DYRK1B: variants seen among roughly 807,000 people sequenced by gnomAD.
DYRK1B encodes dual specificity tyrosine phosphorylation regulated kinase 1B, also known as dual specificity tyrosine-phosphorylation-regulated kinase 1B.
Under a neutral mutation model 57.1 loss-of-function variants are expected in DYRK1B, and 20 were observed. The observed-to-expected ratio is 0.35, with a 90% CI of 0.25 to 0.51. The LOEUF (loss-of-function observed/expected upper bound fraction) is 0.51, where lower values mean the gene tolerates loss of function less well. Among genes scored for constraint, DYRK1B ranks in the 20% least tolerant of loss-of-function variants. The pLI is 0.96. For missense variants in DYRK1B, 732 were observed against 886.3 expected (o/e 0.83, Z 2.21); for synonymous variants, 409 against 384.7 (o/e 1.06, Z -0.74).
chr19:39,825,463 AC>A lies in DYRK1B; in HGVS notation c.*251del, dbSNP rs981146912. ...TGAGGGGGGGTCTTCCCTCCACCGG[AC>A]CACCACTGTCTTTGGTACAATAAAT... On this transcript the variant is annotated 3_prime_UTR_variant, in exon 11 of 11. Coordinates refer to ENST00000323039, the MANE Select transcript of DYRK1B (RefSeq NM_004714.3). 3.9e-6 allele frequency: 2 copies of A among 511,160 alleles called. No individual in the cohort carries two copies. Among genetic ancestry groups the A allele is most frequent in the African/African-American group, 4.0e-5 (2 of 50,424 alleles). The allele number at this position is 511,160 out of a possible 1,614,324, so 31.7% of individuals were successfully genotyped here. A position where few individuals can be genotyped will look rare whatever the true frequency, so the allele number is the denominator to read the frequency against.
Position 39,826,243 on chromosome 19 carries a change from G to A in DYRK1B, c.1455C>T (p.Tyr485=). ...GSSSDNRTYR[Y]SNRYCGGPGP... ...CAGGGCCCCCACAATATCGGTTGCT[G>A]TAGCGGTAGGTCCGGTTGTCACTGG... The change falls in exon 10 of 11, where the codon TAC becomes TAT. Residue 485 remains tyrosine (Y), a synonymous_variant. Transcript: ENST00000323039. This position sits in a 1 kb window ranked among gnomAD's most constrained non-coding sequence, Gnocchi z 6.3. 3 of 1,596,560 alleles carry A rather than the reference G, an allele frequency of 1.9e-6. No individual in the cohort carries two copies. Among genetic ancestry groups the A allele is most frequent in the South Asian group, 2.3e-5 (2 of 88,432 alleles).
At position 39,828,616 on chromosome 19, in the gene DYRK1B, G is replaced by A; in HGVS notation, c.521-33C>T. On this transcript the variant is annotated intron_variant, in intron 5 of 10. Coordinates refer to ENST00000323039, the MANE Select transcript of DYRK1B (RefSeq NM_004714.3). The surrounding 1 kb of genome is among the most constrained non-coding windows in gnomAD (Gnocchi z 4.3). ...GGAGGGGAGGAAATGGGCCAGAGAA[G>A]AAACGGCTCAGAGAGGGCAGGTGGT... The A allele has an allele frequency of 6.3e-7, 1 of 1,587,022 alleles. No homozygotes were observed. Among genetic ancestry groups the A allele is most frequent in the Non-Finnish European group, 8.6e-7 (1 of 1,162,130 alleles).
chr19:39,827,861 C>A (rs1029222468), intron 6 of DYRK1B, among the ~76,000 whole-genome samples: 1 of 152,082 alleles, frequency 6.6e-6, no homozygotes, highest in Non-Finnish European at 1.5e-5. Flanking sequence ...CTGGCCTAGA[C>A]AGACCCTGAT....
At position 39,826,778 on chromosome 19, in the gene DYRK1B, G is replaced by C. The variant is rs755904574; in HGVS notation, c.1305C>G (p.Ala435=). 1.3e-6 allele frequency: 2 copies of C among 1,563,798 alleles called. No individual in the cohort carries two copies. The highest frequency in any genetic ancestry group is 1.4e-5 in the African/African-American group (1 of 73,936). ...CCGGGCCCGTGTTGGTGGCCTCGTC[G>C]GCCGTGCGGCGGAAGAAGCCGTGCT... The part of the protein sequence containing the change: ...ALQHGFFRRT[A]DEATNTGPAG... Residue 435 remains alanine, a synonymous_variant, in exon 9 of 11, where the codon GCC becomes GCG. Transcript: ENST00000323039. This position sits in a 1 kb window ranked among gnomAD's most constrained non-coding sequence, Gnocchi z 6.3.
At chr19:39,832,364 C>T (rs996567269) in intron 1 of DYRK1B, among the ~76,000 whole-genome samples, 2 of 152,118 alleles carry the variant, frequency 1.3e-5, no homozygotes, top group African/African-American at 2.4e-5. Context: ...TCTCACTACT[C>T]GTGGCCCTCC....
At chr19:39,830,119 G>A (rs1968737120) in intron 4 of DYRK1B, 92 bp from the exon 5 acceptor site, 1 of 1,504,120 alleles carries the variant, frequency 6.6e-7, no homozygotes, top group Non-Finnish European at 9.0e-7. Context: ...GACCCACCAA[G>A]AACACTATGC....
In DYRK1B at chr19:39,827,670, A is replaced by G; in HGVS notation, c.808-14T>C. The G allele has an allele frequency of 6.2e-7, 1 of 1,610,252 alleles. No homozygotes were observed. Among genetic ancestry groups the G allele is most frequent in the Non-Finnish European group, 8.5e-7 (1 of 1,177,056 alleles). Reference sequence around the variant, plus strand: ...ATACTGGTAGATCTGGGAAAAGGGTAATCGTCAAGGGACCCAGCCTCCCCT... The same window carrying G: ...ATACTGGTAGATCTGGGAAAAGGGTGATCGTCAAGGGACCCAGCCTCCCCT... On this transcript the variant is annotated splice_polypyrimidine_tract_variant and intron_variant, in intron 6 of 10. Transcript: ENST00000323039.
In DYRK1B at chr19:39,830,650, C is replaced by CA; in HGVS notation, c.183+13dup. 1 of 1,613,242 alleles carries CA rather than the reference C, an allele frequency of 6.2e-7. No individual in the cohort carries two copies. The highest frequency in any genetic ancestry group is 1.1e-5 in the South Asian group (1 of 90,950). On this transcript the variant is annotated intron_variant, in intron 3 of 10. Transcript: ENST00000323039. ...CCTCGGCACCCAGCCCAGGATCCCCCAGCCCCTGCCCACCTCATTGATGTG... is the reference window on the plus strand; with the variant it reads ...CCTCGGCACCCAGCCCAGGATCCCCCAAGCCCCTGCCCACCTCATTGATGTG...
At chr19:39,830,164 C>T (rs1014410501) in intron 4 of DYRK1B, 137 bp from the exon 5 acceptor site, 10 of 1,218,314 alleles carry the variant, frequency 8.2e-6, no homozygotes, top group African/African-American at 3.0e-5. Context: ...ATTAGTCAGG[C>T]GCTGGTGTAA....
chr19:39,826,253 G>C lies in DYRK1B; in HGVS notation c.1445C>G (p.Thr482Ser). 1 of 1,594,850 alleles carries C rather than the reference G, an allele frequency of 6.3e-7. No individual in the cohort carries two copies. The highest frequency in any genetic ancestry group is 8.5e-7 in the Non-Finnish European group (1 of 1,173,044). ...ACAATATCGGTTGCTGTAGCGGTAG[G>C]TCCGGTTGTCACTGGAGGAGCCACT... ...GSSGSSSDNR[T>S]YRYSNRYCGG... Residue 482 changes from threonine to serine, a missense_variant, in exon 10 of 11, where the codon ACC (threonine) becomes AGC (serine). Physicochemically the swap from Thr to Ser is moderately conservative, Grantham distance 58. This residue lies in a region of DYRK1B where 510 missense variants were observed against 681.3 expected (regional missense o/e 0.75). Coordinates refer to ENST00000323039, the MANE Select transcript of DYRK1B (RefSeq NM_004714.3). The surrounding 1 kb of genome is among the most constrained non-coding windows in gnomAD (Gnocchi z 6.3).
chr19:39,829,717 T>C (rs1305270078), intron 5 of DYRK1B, 163 bp downstream of exon 5: 3 of 791,244 alleles, frequency 3.8e-6, no homozygotes, highest in African/African-American at 3.5e-5. Context: ...ACAAAAATCA[T>C]AAAAGCAGCA....
chr19:39,827,947 C>G (rs544843221), intron 6 of DYRK1B, among the ~76,000 whole-genome samples: 35 of 152,268 alleles, frequency 2.3e-4, no homozygotes, highest in Non-Finnish European at 1.3e-4. Flanking sequence ...CCTATACCAT[C>G]GTCACTTTTA....
rs1282319052 is a variant in DYRK1B at position 39,830,418 on chromosome 19, C to T, written c.329G>A (p.Arg110His). Residue 110 changes from arginine to histidine, a missense_variant, in exon 4 of 11, where the codon CGC becomes CAC. Transcript: ENST00000323039. ...IVRSGERWLE[R>H]YEIDSLIGKG... is the part of the protein sequence containing the mutation. ...GCCAATGAGCGAGTCAATTTCGTAG[C>T]GCTCCAGCCAGCGCTCGCCACTGCG... is the stretch of plus-strand genomic sequence containing the variant. 6.2e-7 allele frequency: 1 copy of T among 1,614,134 alleles called. No individual in the cohort carries two copies. Among genetic ancestry groups the T allele is most frequent in the South Asian group, 1.1e-5 (1 of 91,078 alleles).
chr19:39,828,285 G>A lies in DYRK1B; in HGVS notation c.807+12C>T. On this transcript the variant is annotated intron_variant, in intron 6 of 10. Transcript: ENST00000323039. This position sits in a 1 kb window ranked among gnomAD's most constrained non-coding sequence, Gnocchi z 4.3. ...CTACTAGCCGTGCTCCCAGGACCGG[G>A]CCGCCCCCTACCCTCTGGCCAAGCT... 1.2e-6 allele frequency: 2 copies of A among 1,613,018 alleles called. No homozygotes were observed. Among genetic ancestry groups the A allele is most frequent in the Non-Finnish European group, 1.7e-6 (2 of 1,179,598 alleles).
chr19:39,827,599 G>C lies in DYRK1B; in HGVS notation c.865C>G (p.Pro289Ala), dbSNP rs1172181404. Residue 289 changes from proline (P) to alanine (A), a missense_variant, in exon 7 of 11, where the codon CCC becomes GCC. Transcript: ENST00000323039. ...YRSPEVLLGT[P>A]YDLAIDMWSL... ...CACATGTCAATGGCCAGGTCGTAGG[G>C]TGTGCCCAGGAGCACCTCAGGTGAG... 9 of 1,614,006 alleles carry C rather than the reference G, an allele frequency of 5.6e-6. No individual in the cohort carries two copies. Among genetic ancestry groups the C allele is most frequent in the Non-Finnish European group, 7.6e-6 (9 of 1,179,986 alleles).
In DYRK1B at chr19:39,825,961, G is replaced by A; in HGVS notation, c.1644C>T (p.Tyr548=). ...TGAQLPPQPR[Y]LGRPPSPTSP... ...AGGTTGGTGATGGGGGACGACCAAG[G>A]TATCGGGGCTGGGGGGGTAACTGGG... The change falls in exon 11 of 11, where the codon TAC becomes TAT. Residue 548 remains tyrosine, a synonymous_variant. Coordinates refer to ENST00000323039, the MANE Select transcript of DYRK1B (RefSeq NM_004714.3). The A allele has an allele frequency of 1.3e-6, 2 of 1,528,476 alleles. No individual in the cohort carries two copies. The highest frequency in any genetic ancestry group is 1.3e-5 in the South Asian group (1 of 77,114). 94.7% of individuals were successfully genotyped at this position (1,528,476 alleles called of 1,614,324 possible). A position where few individuals can be genotyped will look rare whatever the true frequency, so the allele number is the denominator to read the frequency against.
intron 5 of DYRK1B, among the ~76,000 whole-genome samples, chr19:39,829,232 GT>G (rs948509779): frequency 6.7e-4 from 95 of 142,608 alleles, no homozygotes; most frequent in East Asian, 2.0e-3. Flanking sequence ...TTTGTTTTGG[GT>G]TTTTTTTTTT....
At position 39,826,593 on chromosome 19, in the gene DYRK1B, A is replaced by G; in HGVS notation, c.1411+79T>C. On this transcript the variant is annotated intron_variant, in intron 9 of 10. Coordinates refer to ENST00000323039, the MANE Select transcript of DYRK1B (RefSeq NM_004714.3). The surrounding 1 kb of genome is among the most constrained non-coding windows in gnomAD (Gnocchi z 6.3). ...GTTTCGGCGCTTTGTGTGAAGACCC[A>G]GTAACCAGGTCCCCCAGGACAGGCC... 2 of 1,414,612 alleles carry G rather than the reference A, an allele frequency of 1.4e-6. No individual in the cohort carries two copies. Among genetic ancestry groups the G allele is most frequent in the East Asian group, 2.6e-5 (1 of 37,826 alleles). 87.6% of individuals were successfully genotyped at this position (1,414,612 alleles called of 1,614,324 possible).
Position 39,826,932 on chromosome 19 carries a change from C to T in DYRK1B, c.1151G>A (p.Gly384Asp). The change falls in exon 9 of 11, where the codon GGC (glycine) becomes GAC (aspartate). Residue 384 changes from glycine (G) to aspartate (D), a missense_variant. This residue lies in a region of DYRK1B where 510 missense variants were observed against 681.3 expected (regional missense o/e 0.75). Transcript: ENST00000323039. The surrounding 1 kb of genome is among the most constrained non-coding windows in gnomAD (Gnocchi z 6.3). ...RLQEVLGVQT[G>D]GPGGRRAGEP... ...CCCCGCCCGCCGGCCCCCGGGCCCGCCCGTCTGCACGCCCAGCACCTCCTG... is the reference window on the plus strand; with the variant it reads ...CCCCGCCCGCCGGCCCCCGGGCCCGTCCGTCTGCACGCCCAGCACCTCCTG... 7.0e-7 allele frequency: 1 copy of T among 1,436,956 alleles called. No homozygotes were observed. Among genetic ancestry groups the T allele is most frequent in the Non-Finnish European group, 9.0e-7 (1 of 1,105,470 alleles). The allele number at this position is 1,436,956 out of a possible 1,614,324, so 89.0% of individuals were successfully genotyped here.
Sources: allele counts gnomAD v4.1 joint callset (sites outside exome capture counted in the v4.1 genomes callset), GRCh38; gene constraint gnomAD v4.1.1; regional missense constraint gnomAD v4.1.1; non-coding constraint Gnocchi (gnomAD v3.1); transcripts MANE v1.5; gene names NCBI Gene and HGNC (gene_info 2026-07-23, HGNC 2026-07-21).